TCF7L1: variants seen among roughly 807,000 people sequenced by gnomAD.
The protein encoded by TCF7L1 is transcription factor 7 like 1.
Under a neutral mutation model 63.7 loss-of-function variants are expected in TCF7L1, and 18 were observed. The ratio of observed to expected loss-of-function variants is 0.28; its 90% confidence interval spans 0.20 to 0.42. TCF7L1 has a LOEUF of 0.42. Among genes scored for constraint, TCF7L1 ranks in the 10% least tolerant of loss-of-function variants. TCF7L1 has a pLI of 1.00. For synonymous variants in TCF7L1, 355 were observed against 340.9 expected (o/e 1.04, Z -0.46); for missense variants, 654 against 779.3 (o/e 0.84, Z 1.91).
At chr2:85,153,585 C>T (rs1013028003) in intron 3 of TCF7L1, among the ~76,000 whole-genome samples, 3 of 152,146 alleles carry the variant, frequency 2.0e-5, no homozygotes, top group Admixed American at 1.3e-4. Flanking sequence ...TTGTGATCCA[C>T]CCACCTCGGC....
At chr2:85,233,503 A>T (rs908978260) in intron 3 of TCF7L1, among the ~76,000 whole-genome samples, 1 of 151,534 alleles carries the variant, frequency 6.6e-6, no homozygotes, top group African/African-American at 2.4e-5. Flanking sequence ...TTTAGTAGAG[A>T]TAGGGTTTCA....
intron 3 of TCF7L1, among the ~76,000 whole-genome samples, chr2:85,139,519 T>C (rs1276343725): frequency 1.3e-5 from 2 of 152,208 alleles, no homozygotes; most frequent in African/African-American, 4.8e-5. Context: ...AGCATTTTCA[T>C]AATAGAAATT....
chr2:85,247,399 A>C (rs1680490988), intron 3 of TCF7L1, among the ~76,000 whole-genome samples: 1 of 152,282 alleles, frequency 6.6e-6, no homozygotes. Flanking sequence ...GCTAAGTTAG[A>C]CCCTAGTCCG....
intron 3 of TCF7L1, among the ~76,000 whole-genome samples, chr2:85,245,937 C>A (rs773111627): frequency 1.2e-4 from 18 of 152,120 alleles, no homozygotes; most frequent in Non-Finnish European, 2.5e-4. Context: ...AGTGCAGTGC[C>A]GGTTTTGGTC....
intron 4 of TCF7L1, among the ~76,000 whole-genome samples, chr2:85,284,275 G>A (rs1558656090): frequency 6.6e-6 from 1 of 152,178 alleles, no homozygotes; most frequent in Non-Finnish European, 1.5e-5. Flanking sequence ...CTCCCAAAGT[G>A]CTGAGATTAC....
At chr2:85,201,074 C>A in intron 3 of TCF7L1, among the ~76,000 whole-genome samples, 1 of 152,070 alleles carries the variant, frequency 6.6e-6, no homozygotes. Context: ...CAGTGGTGTG[C>A]GCCTGTAATT....
chr2:85,304,327 C>G lies in TCF7L1; in HGVS notation c.834C>G (p.Ala278=), dbSNP rs756524810. Residue 278 remains alanine (A), a synonymous_variant, in exon 7 of 12, where the codon GCC becomes GCG. Coordinates refer to ENST00000282111, the MANE Select transcript of TCF7L1 (RefSeq NM_031283.3). ...RHPYPALAMN[A]SMSSLVSSRF... The stretch of plus-strand genomic sequence containing the variant: ...CTTACCCCGCCCTCGCCATGAACGC[C>G]TCGATGTCCAGGTGAGTCCCGGGGC... The G allele has an allele frequency of 6.2e-7, 1 of 1,614,090 alleles. No homozygotes were observed. The highest frequency in any genetic ancestry group is 1.1e-5 in the South Asian group (1 of 91,086).
intron 3 of TCF7L1, among the ~76,000 whole-genome samples, chr2:85,197,096 CTTCT>C (rs1223496275): frequency 6.6e-6 from 1 of 152,206 alleles, no homozygotes; most frequent in Non-Finnish European, 1.5e-5. Context: ...AAGTCCTCCT[CTTCT>C]TTTTCCTTTG....
intron 4 of TCF7L1, among the ~76,000 whole-genome samples, chr2:85,297,606 G>T (rs2104383019): frequency 6.6e-6 from 1 of 152,212 alleles, no homozygotes; most frequent in African/African-American, 2.4e-5. Flanking sequence ...CAGGCAGATT[G>T]CTTAGTCCAG....
Position 85,205,580 on chromosome 2 carries a change from G to A in TCF7L1, c.441+71130G>A, listed in dbSNP as rs186342857. Among the ~76,000 whole-genome samples, 605 of 151,070 alleles carry A rather than the reference G, an allele frequency of 4.0e-3. 5 individuals are homozygous for A. The highest frequency in any genetic ancestry group is 0.014 in the African/African-American group (568 of 41,076). ...ATACAGAGTCTCTGTTACCCAGTCT[G>A]GAGTACAGTGGTGTAATCTTGGCTC... is the stretch of plus-strand genomic sequence containing the variant. On this transcript the variant is annotated intron_variant, in intron 3 of 11. Coordinates refer to ENST00000282111, the MANE Select transcript of TCF7L1 (RefSeq NM_031283.3).
chr2:85,155,015 C>T (rs767550401), intron 3 of TCF7L1, among the ~76,000 whole-genome samples: 4 of 152,110 alleles, frequency 2.6e-5, no homozygotes, highest in African/African-American at 9.7e-5. Context: ...CGGGGTTTCA[C>T]CATGTTGGCC....
At chr2:85,156,622 A>G (rs747173368) in intron 3 of TCF7L1, among the ~76,000 whole-genome samples, 7 of 152,230 alleles carry the variant, frequency 4.6e-5, no homozygotes, top group Non-Finnish European at 1.0e-4. Flanking sequence ...AAGAAGCTCA[A>G]AAGTCCTGTG....
chr2:85,242,970 T>C (rs1680371860), intron 3 of TCF7L1, among the ~76,000 whole-genome samples: 2 of 152,172 alleles, frequency 1.3e-5, no homozygotes, highest in African/African-American at 4.8e-5. Context: ...CTCCAGCAAG[T>C]CTTAAAGATC....
At chr2:85,162,054 AT>A (rs148314279) in intron 3 of TCF7L1, among the ~76,000 whole-genome samples, 2 of 151,312 alleles carry the variant, frequency 1.3e-5, no homozygotes, top group Non-Finnish European at 1.5e-5. Flanking sequence ...AAAAGTTGAG[AT>A]TTAAAAAAAA....
intron 3 of TCF7L1, among the ~76,000 whole-genome samples, chr2:85,256,982 TA>T (rs34200258): frequency 5.4e-5 from 8 of 148,218 alleles, no homozygotes; most frequent in South Asian, 2.1e-4. Flanking sequence ...GACTCTGTCT[TA>T]AAAAAAAAAA....
intron 3 of TCF7L1, among the ~76,000 whole-genome samples, chr2:85,227,782 G>T (rs1442081120): frequency 6.6e-6 from 1 of 151,838 alleles, no homozygotes; most frequent in Non-Finnish European, 1.5e-5. Flanking sequence ...ATCTCTTGAG[G>T]CTAGGAGTTC....
chr2:85,242,025 G>GA (rs369320856), intron 3 of TCF7L1, among the ~76,000 whole-genome samples: 5 of 141,928 alleles, frequency 3.5e-5, no homozygotes, highest in African/African-American at 5.1e-5. Flanking sequence ...CGGTGGTGCG[G>GA]GGGGGCAAGA....
At chr2:85,197,922 G>A (rs1450791541) in intron 3 of TCF7L1, among the ~76,000 whole-genome samples, 1 of 152,194 alleles carries the variant, frequency 6.6e-6, no homozygotes. Context: ...TCAGTGAGCA[G>A]TGTTGGGTGC....
At chr2:85,148,325 A>G (rs1677928921) in intron 3 of TCF7L1, among the ~76,000 whole-genome samples, 1 of 152,150 alleles carries the variant, frequency 6.6e-6, no homozygotes, top group South Asian at 2.1e-4. Flanking sequence ...AAAGAAGCCC[A>G]AGGCTTGAGG....
Sources: allele counts gnomAD v4.1 joint callset (sites outside exome capture counted in the v4.1 genomes callset), GRCh38; gene constraint gnomAD v4.1.1; transcripts MANE v1.5; gene names NCBI Gene and HGNC (gene_info 2026-07-23, HGNC 2026-07-21).